The following NUBPL variants were observed in gnomAD, a reference collection of about 807,000 sequenced individuals.
NUBPL encodes the protein NUBP iron-sulfur cluster assembly factor, mitochondrial, also known as iron-sulfur cluster transfer protein NUBPL.
NUBPL carries 31 observed loss-of-function variants against 45.7 expected under a neutral mutation model. That is an observed-to-expected ratio of 0.68 (90% CI 0.51 to 0.92). The LOEUF (loss-of-function observed/expected upper bound fraction) is 0.92, where lower values mean the gene tolerates loss of function less well. NUBPL is among the 40% of genes least tolerant of loss of function. The probability of loss-of-function intolerance (pLI) is 0.00; values close to 1 mark genes in which losing one functional copy is unlikely to be tolerated. For missense variants in NUBPL, 401 were observed against 398.7 expected (o/e 1.01, Z -0.05); for synonymous variants, 144 against 140.9 (o/e 1.02, Z -0.15).
At chr14:31,662,449 C>T (rs1341867044) in intron 4 of NUBPL, among the ~76,000 whole-genome samples, 1 of 151,980 alleles carries the variant, frequency 6.6e-6, no homozygotes, top group Admixed American at 6.6e-5. Flanking sequence ...GGTTATCTAT[C>T]CTAATGTTAT....
At chr14:31,714,899 G>A (rs921346932) in intron 6 of NUBPL, 1 of 152,184 alleles carries the variant, frequency 6.6e-6, no homozygotes, top group Non-Finnish European at 1.5e-5. Flanking sequence ...GTTTTTCCCA[G>A]TTTTAAAAAA....
chr14:31,693,813 A>C (rs1241743856), intron 6 of NUBPL, among the ~76,000 whole-genome samples: 7 of 150,064 alleles, frequency 4.7e-5, no homozygotes, highest in South Asian at 2.1e-4. Flanking sequence ...AAAAAAAAAA[A>C]AAAAAAAAAA....
chr14:31,591,348 G>A (rs374117526), intron 3 of NUBPL, among the ~76,000 whole-genome samples: 15 of 152,212 alleles, frequency 9.9e-5, no homozygotes, highest in African/African-American at 3.6e-4. Context: ...TTTTAGTAGA[G>A]ACAGGGTTTC....
chr14:31,841,924 T>TTTG lies in NUBPL; in HGVS notation c.694-4545_694-4544insGTT, dbSNP rs1566593583. Among the ~76,000 whole-genome samples, 63 of 113,498 alleles carry TTTG rather than the reference T, an allele frequency of 5.6e-4. 1 individual carries two copies. Among genetic ancestry groups the TTTG allele is most frequent in the Middle Eastern group, 4.0e-3 (1 of 248 alleles). 74.5% of individuals were successfully genotyped at this position (113,498 alleles called of 152,430 possible). ...GTATGGGTCGATTCTGGGCTTTTTT[T>TTTG]TTTTTTTTTTTTTTTTTTTTTTTTG... On this transcript the variant is annotated intron_variant, in intron 8 of 10. Coordinates refer to ENST00000281081, the MANE Select transcript of NUBPL (RefSeq NM_025152.3).
intron 4 of NUBPL, among the ~76,000 whole-genome samples, chr14:31,638,205 A>C (rs887953062): frequency 1.3e-5 from 2 of 151,978 alleles, no homozygotes; most frequent in East Asian, 3.9e-4. Flanking sequence ...ACATTTTGGC[A>C]TGATTTTGCA....
intron 4 of NUBPL, among the ~76,000 whole-genome samples, chr14:31,631,712 C>T (rs1361590819): frequency 2.6e-5 from 4 of 151,964 alleles, no homozygotes; most frequent in South Asian, 4.2e-4. Flanking sequence ...GGCAGAAAAC[C>T]GACATCCAAG....
intron 6 of NUBPL, among the ~76,000 whole-genome samples, chr14:31,776,260 G>A (rs904870342): frequency 3.9e-5 from 6 of 152,124 alleles, no homozygotes; most frequent in African/African-American, 1.4e-4. Context: ...TTATACAACA[G>A]TAAGTAGAAT....
chr14:31,623,806 A>G lies in NUBPL; in HGVS notation c.382+24427A>G, dbSNP rs538706125. Among the ~76,000 whole-genome samples, 20 of 152,284 alleles carry G rather than the reference A, an allele frequency of 1.3e-4. 1 individual carries two copies. The highest frequency in any genetic ancestry group is 9.6e-4 in the East Asian group (5 of 5,182). ...AATAGCAGGTGTTAAAAGTTGCACA[A>G]TGTAAGCTTTTGGGCATGGTTAAAG... On this transcript the variant is annotated intron_variant, in intron 4 of 10. Coordinates refer to ENST00000281081, the MANE Select transcript of NUBPL (RefSeq NM_025152.3).
At chr14:31,600,169 A>G (rs2034392707) in intron 4 of NUBPL, among the ~76,000 whole-genome samples, 1 of 151,932 alleles carries the variant, frequency 6.6e-6, no homozygotes, top group South Asian at 2.1e-4. Context: ...TGATCCACCC[A>G]CCTCACCCTC....
intron 7 of NUBPL, among the ~76,000 whole-genome samples, chr14:31,809,840 G>T (rs142489571): frequency 0.4 from 61,368 of 151,528 alleles, 13,622 homozygotes; most frequent in East Asian, 0.61. Flanking sequence ...TGGTTTCAAA[G>T]AACATTTTTA....
intron 4 of NUBPL, among the ~76,000 whole-genome samples, chr14:31,619,990 C>T (rs908589043): frequency 2.6e-5 from 4 of 151,766 alleles, no homozygotes; most frequent in Non-Finnish European, 5.9e-5. Flanking sequence ...TCTTTTAACT[C>T]TTTTTTCACT....
At chr14:31,734,470 G>C (rs535413389) in intron 6 of NUBPL, among the ~76,000 whole-genome samples, 1 of 152,166 alleles carries the variant, frequency 6.6e-6, no homozygotes, top group East Asian at 1.9e-4. Context: ...AAATGAGAAA[G>C]CTTCAAAAAC....
At chr14:31,786,999 T>A (rs57295699) in intron 6 of NUBPL, among the ~76,000 whole-genome samples, 56 of 152,206 alleles carry the variant, frequency 3.7e-4, no homozygotes, top group African/African-American at 1.3e-3. Context: ...TTCTTGGCAG[T>A]GGAGAAAGAG....
At chr14:31,719,792 T>C (rs1406301046) in intron 6 of NUBPL, among the ~76,000 whole-genome samples, 1 of 152,230 alleles carries the variant, frequency 6.6e-6, no homozygotes, top group Non-Finnish European at 1.5e-5. Flanking sequence ...TTTTTTGGCA[T>C]ATTCTTTCAA....
chr14:31,800,257 C>A (rs1464195866), intron 7 of NUBPL, among the ~76,000 whole-genome samples: 1 of 152,180 alleles, frequency 6.6e-6, no homozygotes, highest in Non-Finnish European at 1.5e-5. Flanking sequence ...GAATCAACTT[C>A]TTCCAAACTC....
At chr14:31,808,662 G>T (rs1024995457) in intron 7 of NUBPL, among the ~76,000 whole-genome samples, 4 of 152,156 alleles carry the variant, frequency 2.6e-5, no homozygotes, top group African/African-American at 9.7e-5. Context: ...TGTTGAATAG[G>T]AGTGGCGAGA....
At chr14:31,718,310 G>C (rs1007736847) in intron 6 of NUBPL, among the ~76,000 whole-genome samples, 1 of 152,102 alleles carries the variant, frequency 6.6e-6, no homozygotes, top group Non-Finnish European at 1.5e-5. Flanking sequence ...GGAAAAGACT[G>C]TCTTTCTGCC....
At chr14:31,720,154 A>T (rs1340806692) in intron 6 of NUBPL, among the ~76,000 whole-genome samples, 1 of 152,118 alleles carries the variant, frequency 6.6e-6, no homozygotes, top group Non-Finnish European at 1.5e-5. Flanking sequence ...CCCACTTCTC[A>T]TAATTCTGTA....
chr14:31,676,768 A>G (rs1161130792), intron 6 of NUBPL, among the ~76,000 whole-genome samples: 1 of 149,854 alleles, frequency 6.7e-6, no homozygotes, highest in Non-Finnish European at 1.5e-5. Flanking sequence ...TTTATTTTTT[A>G]TTTTTATTTA....
Sources: gnomAD v4.1 joint callset for allele counts (sites outside exome capture counted in the v4.1 genomes callset) on GRCh38, gnomAD v4.1.1 for gene constraint, MANE v1.5 for transcripts, NCBI Gene and HGNC (gene_info 2026-07-23, HGNC 2026-07-21) for gene names.